MILR1: variants seen among roughly 807,000 people sequenced by gnomAD.
MILR1 encodes the protein mast cell immunoglobulin like receptor 1, also known as allergin-1.
In MILR1, 31 loss-of-function variants were observed where a neutral mutation model predicts 18.5. That is an observed-to-expected ratio of 1.68 (90% CI 1.26 to 2.26). The LOEUF is 2.26. Ranked by LOEUF, MILR1 falls within the 30% of genes most tolerant of loss-of-function variation. The pLI, the probability that MILR1 is intolerant of heterozygous loss-of-function variation, is 0.00. For synonymous variants in MILR1, 85 were observed against 56.2 expected, an observed-to-expected ratio of 1.51 and a Z score of -2.30; for missense variants, 257 against 157.4, an observed-to-expected ratio of 1.63 and a Z score of -3.38.
chr17:64,478,020 G>C, the MILR1 span: 1 of 1,603,208 alleles, frequency 6.2e-7, no homozygotes, highest in Middle Eastern at 1.7e-4. Flanking sequence ...AGACACATGA[G>C]CACAAATGTA....
chr17:64,491,071 C>T, the MILR1 span: 1 of 947,944 alleles, frequency 1.1e-6, no homozygotes, highest in Non-Finnish European at 1.7e-6. Flanking sequence ...ACTTTTTATT[C>T]AGCAAATGTG....
chr17:64,493,096 ATAG>A, the MILR1 span: 6 of 1,438,396 alleles, frequency 4.2e-6, no homozygotes, highest in Admixed American at 8.4e-5. Flanking sequence ...AGACACATTA[ATAG>A]TAGTAATAAC....
the MILR1 span, among the ~76,000 whole-genome samples, chr17:64,489,384 GA>G: frequency 1.8e-3 from 270 of 151,082 alleles, no homozygotes; most frequent in African/African-American, 6.2e-3. Flanking sequence ...AAGGGAAGGG[GA>G]AAAAAACACC....
At chr17:64,486,404 A>T in the MILR1 span, among the ~76,000 whole-genome samples, 2 of 150,842 alleles carry the variant, frequency 1.3e-5, no homozygotes, top group East Asian at 3.9e-4. Flanking sequence ...TCTGTCACCC[A>T]GGCTGGAGTG....
At chr17:64,452,180 C>G (rs999669703) in intron 2 of MILR1, among the ~76,000 whole-genome samples, 1 of 151,702 alleles carries the variant, frequency 6.6e-6, no homozygotes, top group Non-Finnish European at 1.5e-5. Context: ...TCAAGTGACC[C>G]TCCCACCACA....
downstream of MILR1, chr17:64,468,644 T>A: frequency 5.3e-6 from 6 of 1,127,016 alleles, no homozygotes; most frequent in South Asian, 1.0e-4. Context: ...CGAACATGCA[T>A]CCTTCTCTGA....
the MILR1 span, among the ~76,000 whole-genome samples, chr17:64,488,978 T>C: frequency 1.3e-5 from 2 of 151,610 alleles, no homozygotes; most frequent in African/African-American, 2.4e-5. Context: ...ATCTACTTTC[T>C]ACTCATTATA....
chr17:64,493,145 T>G, the MILR1 span: 1 of 1,097,424 alleles, frequency 9.1e-7, no homozygotes, highest in East Asian at 2.5e-5. Context: ...TGGCTAAGCT[T>G]GGTGGCTCAC....
chr17:64,496,345 A>T, the MILR1 span: 1 of 1,107,752 alleles, frequency 9.0e-7, no homozygotes, highest in Non-Finnish European at 1.3e-6. Flanking sequence ...CCCAAGATCC[A>T]GCAAGACTGC....
At chr17:64,451,098 G>A (rs1185703259) in intron 2 of MILR1, among the ~76,000 whole-genome samples, 3 of 151,652 alleles carry the variant, frequency 2.0e-5, no homozygotes, top group African/African-American at 7.3e-5. Flanking sequence ...ACTCCCCAGT[G>A]GTGGATATAA....
At chr17:64,469,336 C>T (rs1260942722), downstream of MILR1, among the ~76,000 whole-genome samples, 1 of 152,138 alleles carries the variant, frequency 6.6e-6, no homozygotes, top group Non-Finnish European at 1.5e-5. Flanking sequence ...ATCCAAGCTT[C>T]AAGGAGACCC....
In MILR1 at chr17:64,449,369, A is replaced by G. The variant is rs1568061149; in HGVS notation, c.97+14A>G. ...TGAAAACAAATGGTAAGTTTCATTTACTTCTTTCTTATTGAAACCATTTTC... is the reference window on the plus strand; with the variant it reads ...TGAAAACAAATGGTAAGTTTCATTTGCTTCTTTCTTATTGAAACCATTTTC... On this transcript the variant is annotated intron_variant, in intron 2 of 9. Coordinates refer to ENST00000619286, the MANE Select transcript of MILR1 (RefSeq NM_001085423.2). 6.5e-6 allele frequency: 3 copies of G among 463,554 alleles called. No homozygotes were observed. The highest frequency in any genetic ancestry group is 1.2e-5 in the Non-Finnish European group (3 of 252,748). 28.7% of individuals were successfully genotyped at this position (463,554 alleles called of 1,614,324 possible). A position where few individuals can be genotyped will look rare whatever the true frequency, so the allele number is the denominator to read the frequency against.
rs1206228734 is a variant in MILR1 at position 64,468,639 on chromosome 17, A to G, written c.*358A>G. On this transcript the variant is annotated 3_prime_UTR_variant, in exon 10 of 10. Coordinates refer to ENST00000619286, the MANE Select transcript of MILR1 (RefSeq NM_001085423.2). ...TCTCCAAGAATAAATTCATCCGAAC[A>G]TGCATCCTTCTCTGAGCCTTCTGAC... 8.9e-7 allele frequency: 1 copy of G among 1,127,234 alleles called. No individual in the cohort carries two copies. Among genetic ancestry groups the G allele is most frequent in the Non-Finnish European group, 1.1e-6 (1 of 913,810 alleles). 69.8% of individuals were successfully genotyped at this position (1,127,234 alleles called of 1,614,324 possible).
the MILR1 span, chr17:64,491,420 C>T: frequency 1.4e-6 from 1 of 725,894 alleles, no homozygotes; most frequent in South Asian, 1.8e-5. Flanking sequence ...CAGAGCAAGA[C>T]TTCATCTCTA....
chr17:64,487,877 T>G, the MILR1 span, among the ~76,000 whole-genome samples: 1,462 of 152,176 alleles, frequency 9.6e-3, 15 homozygotes, highest in African/African-American at 0.033. Context: ...GTTTTCTAAT[T>G]TTTTGAAAAT....
chr17:64,454,610 A>G (rs2037249784), intron 3 of MILR1, among the ~76,000 whole-genome samples: 1 of 152,202 alleles, frequency 6.6e-6, no homozygotes, highest in African/African-American at 2.4e-5. Flanking sequence ...AATGATAGCA[A>G]TGAATATCTT....
the MILR1 span, chr17:64,496,641 G>C: frequency 6.4e-5 from 103 of 1,613,836 alleles, 1 homozygote; most frequent in Admixed American, 1.6e-3. Context: ...TCTGCGGCCA[G>C]GTTCTTCCGC....
At chr17:64,495,177 CAA>C in the MILR1 span, among the ~76,000 whole-genome samples, 5 of 119,290 alleles carry the variant, frequency 4.2e-5, no homozygotes, top group Admixed American at 1.7e-4. Context: ...GACTCTGTCT[CAA>C]AAAAAAAAAA....
chr17:64,463,511 G>GT (rs2037478030), intron 5 of MILR1, among the ~76,000 whole-genome samples: 1 of 152,170 alleles, frequency 6.6e-6, no homozygotes, highest in Non-Finnish European at 1.5e-5. Context: ...AGTGTTCTGA[G>GT]TTGTGGAATG....
Sources: allele counts gnomAD v4.1 joint callset (sites outside exome capture counted in the v4.1 genomes callset), GRCh38; gene constraint gnomAD v4.1.1; transcripts MANE v1.5; gene names NCBI Gene and HGNC (gene_info 2026-07-23, HGNC 2026-07-21).